Variants in ABRAXAS1 observed in about 807,000 individuals in gnomAD.
The protein encoded by ABRAXAS1 is BRCA1-A complex subunit Abraxas 1.
In ABRAXAS1, 26 loss-of-function variants were observed where a neutral mutation model predicts 38.4. That is an observed-to-expected ratio of 0.68 (90% confidence interval 0.50 to 0.94). ABRAXAS1 has a LOEUF of 0.94. Among genes scored for constraint, ABRAXAS1 ranks in the 40% least tolerant of loss-of-function variants. The pLI, the probability that ABRAXAS1 is intolerant of heterozygous loss-of-function variation, is 0.00. For synonymous variants in ABRAXAS1, 144 were observed against 165.5 expected, an observed-to-expected ratio of 0.87 and a Z score of 1.00; for missense variants, 438 against 481.9, an observed-to-expected ratio of 0.91 and a Z score of 0.85.
Position 83,461,179 on chromosome 4 carries a change from C to T in ABRAXAS1, c.*1290G>A. ...ATCTCAAGGACCCTAAAGTTTGTAA[C>T]ATCAGATATCGGGAATAAATTCTAT... On this transcript the variant is annotated 3_prime_UTR_variant, in exon 9 of 9. Coordinates refer to ENST00000321945, the MANE Select transcript of ABRAXAS1 (RefSeq NM_139076.3). The T allele has an allele frequency of 6.2e-7, 1 of 1,612,166 alleles. No homozygotes were observed. Among genetic ancestry groups the T allele is most frequent in the Non-Finnish European group, 8.5e-7 (1 of 1,179,438 alleles).
intron 7 of ABRAXAS1, among the ~76,000 whole-genome samples, chr4:83,465,097 A>G (rs577403866): frequency 7.4e-4 from 113 of 152,160 alleles, no homozygotes; most frequent in African/African-American, 2.6e-3. Flanking sequence ...TGGGTTCGAG[A>G]CCAACCTGGC....
At chr4:83,465,902 G>A (rs931756389) in intron 7 of ABRAXAS1, among the ~76,000 whole-genome samples, 6 of 152,150 alleles carry the variant, frequency 3.9e-5, no homozygotes, top group Non-Finnish European at 8.8e-5. Context: ...TTCTGTTAGT[G>A]TGCTCTACTG....
chr4:83,470,417 G>A lies in ABRAXAS1; in HGVS notation c.283-21C>T, dbSNP rs1264703993. 3.9e-6 allele frequency: 6 copies of A among 1,555,294 alleles called. No homozygotes were observed. The East Asian group carries it at 6.8e-5, about 18-fold the overall frequency. ...ACATTCTGAAATACAGAATAAAAAGGATATACATCTTAATAGTTACAATGA... is the reference window on the plus strand; with the variant it reads ...ACATTCTGAAATACAGAATAAAAAGAATATACATCTTAATAGTTACAATGA... On this transcript the variant is annotated intron_variant, in intron 4 of 8. Coordinates refer to ENST00000321945, the MANE Select transcript of ABRAXAS1 (RefSeq NM_139076.3).
rs140245451 is a variant in ABRAXAS1 at position 83,461,216 on chromosome 4, T to C, written c.*1253A>G. 6.2e-7 allele frequency: 1 copy of C among 1,602,226 alleles called. No individual in the cohort carries two copies. The highest frequency in any genetic ancestry group is 1.3e-5 in the African/African-American group (1 of 74,752). ...GGAATAAATTCTATCACGTTACCAC[T>C]AATAAACTTATTTTACAGTAAGTGG... On this transcript the variant is annotated 3_prime_UTR_variant, in exon 9 of 9. Transcript: ENST00000321945.
chr4:83,481,138 AAAAAG>A (rs1023136179), intron 2 of ABRAXAS1, among the ~76,000 whole-genome samples: 3 of 152,196 alleles, frequency 2.0e-5, no homozygotes, highest in Admixed American at 6.5e-5. Flanking sequence ...CCTCAAAAAA[AAAAAG>A]AAAAGAAATG....
In ABRAXAS1 at chr4:83,484,137, G is replaced by T. The variant is rs111623334; in HGVS notation, c.87+849C>A. 2,179 of 966,592 alleles carry T rather than the reference G, an allele frequency of 2.3e-3. 38 individuals are homozygous for T. The African/African-American group carries it at 0.036, about 16-fold the overall frequency. 59.9% of individuals were successfully genotyped at this position (966,592 alleles called of 1,614,324 possible). A position where few individuals can be genotyped will look rare whatever the true frequency, so the allele number is the denominator to read the frequency against. ...CCCGCCTCGGCTTCCCAAAGGGCTG[G>T]AATTACAGGCGTGAGCCACCGCGCC... On this transcript the variant is annotated intron_variant, in intron 1 of 8. Transcript: ENST00000321945.
At chr4:83,467,426 G>T in intron 7 of ABRAXAS1, 28 bp downstream of exon 7, 1 of 1,185,626 alleles carries the variant, frequency 8.4e-7, no homozygotes, top group Non-Finnish European at 1.3e-6. Context: ...ATCTAGAAGT[G>T]GTTGACGTGT....
intron 7 of ABRAXAS1, chr4:83,463,886 C>A (rs1722245047): frequency 4.9e-6 from 1 of 202,928 alleles, no homozygotes; most frequent in Non-Finnish European, 9.8e-6. Context: ...CAGAAATAAA[C>A]TGAAATATTA....
chr4:83,475,126 T>C (rs1560576954), intron 3 of ABRAXAS1, among the ~76,000 whole-genome samples: 1 of 152,202 alleles, frequency 6.6e-6, no homozygotes, highest in East Asian at 1.9e-4. Context: ...ATTAATGTGG[T>C]TGAAAAAGGT....
chr4:83,476,053 T>G (rs1284250895), intron 3 of ABRAXAS1, among the ~76,000 whole-genome samples: 1 of 152,118 alleles, frequency 6.6e-6, no homozygotes, highest in Non-Finnish European at 1.5e-5. Context: ...ATATAAAAAT[T>G]AGCTGGGTGT....
At chr4:83,483,092 T>C (rs1723052914) in intron 1 of ABRAXAS1, among the ~76,000 whole-genome samples, 1 of 152,188 alleles carries the variant, frequency 6.6e-6, no homozygotes, top group Non-Finnish European at 1.5e-5. Context: ...TTAAAACTCA[T>C]GCACAATATG....
chr4:83,482,574 T>A (rs772307762), intron 1 of ABRAXAS1, among the ~76,000 whole-genome samples: 17 of 152,166 alleles, frequency 1.1e-4, no homozygotes, highest in Non-Finnish European at 2.1e-4. Flanking sequence ...TAGTTAGGCA[T>A]GGTGGCACAT....
rs1722118782 is a variant in ABRAXAS1, at chr4:83,461,576, T to A, written c.*893A>T. 3.4e-6 allele frequency: 1 copy of A among 297,424 alleles called. No homozygotes were observed. The highest frequency in any genetic ancestry group is 6.4e-6 in the Non-Finnish European group (1 of 155,304). The allele number at this position is 297,424 out of a possible 1,614,324, so 18.4% of individuals were successfully genotyped here. ...TACATTGGGATGGATAGTGGTGCTG[T>A]CACAGAAGGACAAAATATTCCTAGA... On this transcript the variant is annotated 3_prime_UTR_variant, in exon 9 of 9. Transcript: ENST00000321945.
chr4:83,471,877 A>AG (rs1178238028), intron 4 of ABRAXAS1, among the ~76,000 whole-genome samples: 1 of 152,146 alleles, frequency 6.6e-6, no homozygotes. Context: ...CTCAAAAAAA[A>AG]CAAAACAAAA....
chr4:83,476,612 G>A (rs1003420040), intron 3 of ABRAXAS1, 31 bp downstream of exon 3: 2 of 1,437,804 alleles, frequency 1.4e-6, no homozygotes, highest in Non-Finnish European at 2.0e-6. Context: ...TTTTCACAAT[G>A]GATCATTTAC....
intron 7 of ABRAXAS1, among the ~76,000 whole-genome samples, chr4:83,464,213 A>G (rs1241099567): frequency 2.6e-5 from 4 of 152,158 alleles, no homozygotes; most frequent in African/African-American, 9.7e-5. Context: ...AAAAACTTTG[A>G]AACAAAAAAA....
At chr4:83,478,174 C>T (rs1722855036) in intron 2 of ABRAXAS1, 7 of 730,038 alleles carry the variant, frequency 9.6e-6, no homozygotes, top group Admixed American at 1.8e-5. Context: ...TTGTTTCCAG[C>T]TTTACATATG....
At chr4:83,483,696 A>C (rs1723073823) in intron 1 of ABRAXAS1, among the ~76,000 whole-genome samples, 1 of 151,914 alleles carries the variant, frequency 6.6e-6, no homozygotes, top group African/African-American at 2.4e-5. Flanking sequence ...TTTGATACTC[A>C]AAAGACGAAC....
At chr4:83,468,427 C>G (rs1722458037) in intron 6 of ABRAXAS1, among the ~76,000 whole-genome samples, 2 of 151,702 alleles carry the variant, frequency 1.3e-5, no homozygotes, top group Non-Finnish European at 2.9e-5. Context: ...ACCCCTTATT[C>G]TCAAAGTTTA....
Sources: gnomAD v4.1 joint callset for allele counts (sites outside exome capture counted in the v4.1 genomes callset) on GRCh38, gnomAD v4.1.1 for gene constraint, MANE v1.5 for transcripts, NCBI Gene and HGNC (gene_info 2026-07-23, HGNC 2026-07-21) for gene names.